RBM3: variants seen among roughly 807,000 people sequenced by gnomAD.
RBM3 encodes the protein RNA-binding protein 3.
Under a neutral mutation model 12.0 loss-of-function variants are expected in RBM3, and 3 were observed. That is an observed-to-expected ratio of 0.25 (90% CI 0.11 to 0.65). RBM3 has a LOEUF of 0.65. Ranked by LOEUF, RBM3 falls within the 30% of genes least tolerant of loss-of-function variation. The probability of loss-of-function intolerance (pLI) is 0.84; values close to 1 mark genes in which losing one functional copy is unlikely to be tolerated. For synonymous variants in RBM3, 58 were observed against 45.7 expected (o/e 1.27, Z -1.08); for missense variants, 108 against 134.5 (o/e 0.80, Z 0.97).
At position 48,575,419 on chromosome X, in the gene RBM3, GGATGA is replaced by G. The variant is rs1235440770; in HGVS notation, c.103+138_104-136del. 8 of 792,831 alleles carry G rather than the reference GGATGA, an allele frequency of 1.0e-5. No homozygotes were observed. In the African/African-American group the frequency reaches 1.7e-4, roughly 17 times the overall value. 65.3% of individuals were successfully genotyped at this position (792,831 alleles called of 1,213,427 possible). A position where few individuals can be genotyped will look rare whatever the true frequency, so the allele number is the denominator to read the frequency against. ...TTCCTAAGCCTATGGTGTAGACTAA[GGATGA>G]GGGGAAGCGTCTTTGGGATTAGTGG... On this transcript the variant is annotated intron_variant, in intron 2 of 6. Transcript: ENST00000376759.
Position 48,580,371 on chromosome X carries a change from C to T in RBM3, c.*2930C>T, listed in dbSNP as rs939834860. Among the ~76,000 whole-genome samples, 11 of 111,319 alleles carry T rather than the reference C, an allele frequency of 9.9e-5. No individual in the cohort carries two copies. The highest frequency in any genetic ancestry group is 3.6e-4 in the African/African-American group (11 of 30,628). On this transcript the variant is annotated 3_prime_UTR_variant, in exon 7 of 7. Transcript: ENST00000376759. ...TCCATAAAATGGAAATAATAATACC[C>T]ACCTCACACAGGGGTTAGGAGTGTT...
chrX:48,581,026 C>T lies in RBM3; in HGVS notation c.*3585C>T, dbSNP rs1271108330. Reference sequence around the variant, plus strand: ...GTGGGAATATGCATACAGTTCACTACAGAAATATTTGTATTTACTTAGAGG... The same window carrying T: ...GTGGGAATATGCATACAGTTCACTATAGAAATATTTGTATTTACTTAGAGG... On this transcript the variant is annotated 3_prime_UTR_variant, in exon 7 of 7. Transcript: ENST00000376759. 2 of 78,205 alleles carry T rather than the reference C, an allele frequency of 2.6e-5. No individual in the cohort carries two copies. The highest frequency in any genetic ancestry group is 4.4e-5 in the Non-Finnish European group (2 of 45,715). The allele number at this position is 78,205 out of a possible 1,213,427, so 6.4% of individuals were successfully genotyped here. A position where few individuals can be genotyped will look rare whatever the true frequency, so the allele number is the denominator to read the frequency against.
In RBM3 at chrX:48,577,104, A is replaced by G; in HGVS notation, c.*18A>G. On this transcript the variant is annotated 3_prime_UTR_variant, in exon 6 of 7. Coordinates refer to ENST00000376759, the MANE Select transcript of RBM3 (RefSeq NM_006743.5). Reference sequence around the variant, plus strand: ...ACAACTGAAATGAGACATGCACATAATATAGGTGAGACTTGGATATCGGCA... The same window carrying G: ...ACAACTGAAATGAGACATGCACATAGTATAGGTGAGACTTGGATATCGGCA... The G allele has an allele frequency of 1.2e-5, 15 of 1,211,825 alleles. No homozygotes were observed. The highest frequency in any genetic ancestry group is 1.6e-5 in the Non-Finnish European group (14 of 895,562).
At chrX:48,574,888 A>G (rs781925290) in intron 1 of RBM3, 8 of 409,069 alleles carry the variant, frequency 2.0e-5, no homozygotes, top group South Asian at 1.1e-4. Context: ...AAGGGAACGC[A>G]GGGATGTTCT....
intron 6 of RBM3, 103 bp downstream of exon 6, chrX:48,577,212 A>G (rs1556989539): frequency 1.7e-6 from 2 of 1,162,840 alleles, no homozygotes. Context: ...CTGCCCTCAT[A>G]CCTCACCCAG....
At chrX:48,574,863 T>C (rs1556988858) in intron 1 of RBM3, 1 of 379,329 alleles carries the variant, frequency 2.6e-6, no homozygotes. Context: ...GCCGCCATCT[T>C]GTTCTGCCGG....
Position 48,581,153 on chromosome X carries a change from T to C in RBM3, c.*3712T>C, listed in dbSNP as rs1217858773. 9.0e-6 allele frequency: 1 copy of C among 110,679 alleles called. No individual in the cohort carries two copies. Among genetic ancestry groups the C allele is most frequent in the East Asian group, 2.8e-4 (1 of 3,543 alleles). The allele number at this position is 110,679 out of a possible 1,213,427, so 9.1% of individuals were successfully genotyped here. ...TTATTCTTAATAAACATTTCTAATA[T>C]GCTGTGAAAGAGTATATTCGTTTTT... On this transcript the variant is annotated 3_prime_UTR_variant, in exon 7 of 7. Coordinates refer to ENST00000376759, the MANE Select transcript of RBM3 (RefSeq NM_006743.5).
At chrX:48,577,207 C>T in intron 6 of RBM3, 98 bp downstream of exon 6, 3 of 1,167,784 alleles carry the variant, frequency 2.6e-6, no homozygotes, top group African/African-American at 3.5e-5. Context: ...TTCTGCTGCC[C>T]TCATACCTCA....
chrX:48,579,051 T>A lies in RBM3; in HGVS notation c.*1610T>A, dbSNP rs1219058038. Reference sequence around the variant, plus strand: ...TGAGAAGAGTTGGCAAAGCTCTCAGTCACGGGGATTTGATCTTTTTTGGTG... The same window carrying A: ...TGAGAAGAGTTGGCAAAGCTCTCAGACACGGGGATTTGATCTTTTTTGGTG... On this transcript the variant is annotated 3_prime_UTR_variant, in exon 7 of 7. Coordinates refer to ENST00000376759, the MANE Select transcript of RBM3 (RefSeq NM_006743.5). 9.7e-6 allele frequency: 1 copy of A among 103,140 alleles called. No individual in the cohort carries two copies. The highest frequency in any genetic ancestry group is 2.0e-5 in the Non-Finnish European group (1 of 49,539). The allele number at this position is 103,140 out of a possible 1,213,427, so 8.5% of individuals were successfully genotyped here. A position where few individuals can be genotyped will look rare whatever the true frequency, so the allele number is the denominator to read the frequency against.
rs371016165 is a variant in RBM3, at chrX:48,575,225, T to C, written c.45T>C (p.Phe15=). ...EGKLFVGGLN[F]NTDEQALEDH... ...AGCTCTTCGTGGGAGGGCTCAACTT[T>C]AACACCGACGAGCAGGCACTGGAAG... The change falls in exon 2 of 7, where the codon TTT becomes TTC. Residue 15 remains phenylalanine (F), a synonymous_variant. Coordinates refer to ENST00000376759, the MANE Select transcript of RBM3 (RefSeq NM_006743.5). 1.7e-5 allele frequency: 21 copies of C among 1,210,449 alleles called. No individual in the cohort carries two copies. The highest frequency in any genetic ancestry group is 5.2e-5 in the African/African-American group (3 of 57,713).
rs2062094676 is a variant in RBM3, at chrX:48,579,595, A to G, written c.*2154A>G. Reference sequence around the variant, plus strand: ...TTCTGGGCCTTTAGGGAGCTAAGGCAGTGAGAATTGGCAGGAGGACTGCTG... The same window carrying G: ...TTCTGGGCCTTTAGGGAGCTAAGGCGGTGAGAATTGGCAGGAGGACTGCTG... On this transcript the variant is annotated 3_prime_UTR_variant, in exon 7 of 7. Transcript: ENST00000376759. 9.0e-6 allele frequency among the ~76,000 whole-genome samples: 1 copy of G among 111,597 alleles called. No homozygotes were observed. The highest frequency in any genetic ancestry group is 3.7e-4 in the South Asian group (1 of 2,687).
In RBM3 at chrX:48,576,326, C is replaced by G; in HGVS notation, c.223C>G (p.Arg75Gly). The change falls in exon 4 of 7, where the codon CGT becomes GGT. Residue 75 changes from arginine to glycine, a missense_variant. Physicochemically the swap from Arg to Gly is moderately radical, Grantham distance 125 (BLOSUM62 -2). This residue lies in a region of RBM3 where 43 missense variants were observed against 79.6 expected (regional missense o/e 0.54). Transcript: ENST00000376759. ...CTCCCACACTTAGTCTCTGGATGGT[C>G]GTCAGATCCGTGTGGATCATGCAGG... Reference protein sequence around the residue: ...RAMNGESLDGRQIRVDHAGKS... With the variant: ...RAMNGESLDGGQIRVDHAGKS... 1.7e-6 allele frequency: 2 copies of G among 1,209,729 alleles called. No homozygotes were observed. The highest frequency in any genetic ancestry group is 1.1e-6 in the Non-Finnish European group (1 of 894,716).
chrX:48,577,149 A>G (rs782075022), intron 6 of RBM3, 40 bp downstream of exon 6: 1 of 1,208,957 alleles, frequency 8.3e-7, no homozygotes, highest in South Asian at 1.8e-5. Flanking sequence ...CCTGTTTGTC[A>G]CACTCTGTCA....
chrX:48,576,235 C>A (rs782254295), intron 3 of RBM3, 79 bp from the exon 4 acceptor site: 17 of 1,167,919 alleles, frequency 1.5e-5, no homozygotes, highest in Non-Finnish European at 1.0e-5. Flanking sequence ...CTCTTTTGCC[C>A]ACTTACCCTT....
intron 3 of RBM3, 121 bp from the exon 4 acceptor site, chrX:48,576,193 C>T (rs782683107): frequency 1.7e-6 from 2 of 1,165,805 alleles, no homozygotes. Flanking sequence ...AACATGGCAC[C>T]CAGAACCTGG....
At chrX:48,576,291 A>G (rs782801900) in intron 3 of RBM3, 23 bp from the exon 4 acceptor site, 12 of 1,199,100 alleles carry the variant, frequency 1.0e-5, no homozygotes, top group African/African-American at 1.8e-5. Flanking sequence ...CCAACCCATC[A>G]TCCTTGTGTC....
chrX:48,575,750 G>A, intron 3 of RBM3, 83 bp downstream of exon 3: 4 of 911,392 alleles, frequency 4.4e-6, no homozygotes, highest in South Asian at 2.3e-5. Flanking sequence ...GTGTCTGCTC[G>A]GGGCAGCGTG....
At chrX:48,575,832 C>T in intron 3 of RBM3, 165 bp downstream of exon 3, 1 of 579,643 alleles carries the variant, frequency 1.7e-6, no homozygotes, top group Non-Finnish European at 2.7e-6. Flanking sequence ...AGGGCAGCGG[C>T]AGACAGAGCC....
rs1556988750 is a variant in RBM3 at position 48,574,593 on chromosome X, C to A, written c.-14+20C>A. On this transcript the variant is annotated intron_variant, in intron 1 of 6. Transcript: ENST00000376759. Reference sequence around the variant, plus strand: ...TTCCAGGTAAGTTGCATATGTCCTGCGAAACGGCGGCTCCTCGCCACACAC... The same window carrying A: ...TTCCAGGTAAGTTGCATATGTCCTGAGAAACGGCGGCTCCTCGCCACACAC... The A allele has an allele frequency of 3.0e-6, 1 of 330,911 alleles. No individual in the cohort carries two copies. Among genetic ancestry groups the A allele is most frequent in the African/African-American group, 2.6e-5 (1 of 38,165 alleles). The allele number at this position is 330,911 out of a possible 1,213,427, so 27.3% of individuals were successfully genotyped here. A position where few individuals can be genotyped will look rare whatever the true frequency, so the allele number is the denominator to read the frequency against.
Sources: gnomAD v4.1 joint callset for allele counts (sites outside exome capture counted in the v4.1 genomes callset) on GRCh38, gnomAD v4.1.1 for gene constraint, gnomAD v4.1.1 regional missense constraint, MANE v1.5 for transcripts, NCBI Gene and HGNC (gene_info 2026-07-23, HGNC 2026-07-21) for gene names.